KIAA1217: variants seen among roughly 807,000 people sequenced by gnomAD.
KIAA1217 encodes the protein KIAA1217.
A neutral mutation model predicts 163.9 loss-of-function variants in KIAA1217; 88 were observed. That is an observed-to-expected ratio of 0.54 (90% CI 0.45 to 0.64). The LOEUF (loss-of-function observed/expected upper bound fraction) is 0.64. KIAA1217 is among the 30% of genes least tolerant of loss of function. KIAA1217 has a pLI of 0.00. For synonymous variants in KIAA1217, 903 were observed against 923.1 expected (o/e 0.98, Z 0.39); for missense variants, 2,372 against 2,475.0 (o/e 0.96, Z 0.88).
At chr10:24,034,392 T>A (rs1365209293) in intron 2 of KIAA1217, among the ~76,000 whole-genome samples, 1 of 151,440 alleles carries the variant, frequency 6.6e-6, no homozygotes, top group Non-Finnish European at 1.5e-5. Flanking sequence ...AAATCCCAAC[T>A]CTACAAAAAA....
chr10:23,732,593 G>A (rs772324156), intron 1 of KIAA1217, among the ~76,000 whole-genome samples: 30 of 152,076 alleles, frequency 2.0e-4, no homozygotes, highest in South Asian at 6.2e-4. Context: ...CAAAGAATCC[G>A]CTTTTGGTTT....
chr10:24,220,015 G>C, intron 2 of KIAA1217, 106 bp downstream of exon 2: 1 of 1,182,782 alleles, frequency 8.5e-7, no homozygotes, highest in East Asian at 2.5e-5. Flanking sequence ...TTAGTGGACT[G>C]TGCATACTAT....
chr10:24,035,460 T>C (rs576116317), intron 2 of KIAA1217, among the ~76,000 whole-genome samples: 4 of 152,116 alleles, frequency 2.6e-5, no homozygotes, highest in Non-Finnish European at 4.4e-5. Context: ...ATCTTGAAGA[T>C]TGGAAAGCAG....
chr10:24,016,757 A>T (rs1204926059), intron 2 of KIAA1217, among the ~76,000 whole-genome samples: 1 of 152,048 alleles, frequency 6.6e-6, no homozygotes, highest in Non-Finnish European at 1.5e-5. Context: ...TTCCTCATGT[A>T]AAAATAAGCA....
intron 1 of KIAA1217, among the ~76,000 whole-genome samples, chr10:23,930,591 G>C (rs2131310649): frequency 6.6e-6 from 1 of 152,314 alleles, no homozygotes; most frequent in Middle Eastern, 3.4e-3. Context: ...GGGCCTTTCA[G>C]AAATTACAAT....
At chr10:23,734,584 TG>T (rs1196000230) in intron 1 of KIAA1217, among the ~76,000 whole-genome samples, 4 of 152,098 alleles carry the variant, frequency 2.6e-5, no homozygotes, top group African/African-American at 4.8e-5. Context: ...CCACTGCACC[TG>T]GCCAAGTTTT....
intron 1 of KIAA1217, among the ~76,000 whole-genome samples, chr10:23,731,607 G>T (rs1838481958): frequency 6.6e-6 from 1 of 152,126 alleles, no homozygotes; most frequent in Non-Finnish European, 1.5e-5. Context: ...GAGGGAGGGG[G>T]TACAACCAGG....
At chr10:24,141,868 T>G (rs112755151) in intron 2 of KIAA1217, among the ~76,000 whole-genome samples, 6 of 13,852 alleles carry the variant, frequency 4.3e-4, no homozygotes, top group East Asian at 1.2e-3. Flanking sequence ...ATTTCTATTG[T>G]TTTTTTTTAG....
chr10:24,346,507 A>G (rs952124927), intron 2 of KIAA1217, among the ~76,000 whole-genome samples: 11 of 149,836 alleles, frequency 7.3e-5, no homozygotes, highest in Non-Finnish European at 1.3e-4. Context: ...TTGTATGTCT[A>G]TACATTTTGT....
chr10:24,312,400 G>C (rs2042815285), intron 2 of KIAA1217, among the ~76,000 whole-genome samples: 1 of 152,002 alleles, frequency 6.6e-6, no homozygotes, highest in Non-Finnish European at 1.5e-5. Context: ...CGAATCACCT[G>C]AGGTCAGGAG....
chr10:24,018,799 C>T (rs937092913), intron 2 of KIAA1217, among the ~76,000 whole-genome samples: 1 of 152,008 alleles, frequency 6.6e-6, no homozygotes, highest in Non-Finnish European at 1.5e-5. Context: ...ATAGCCATGA[C>T]ATGAAATCAA....
chr10:24,466,660 C>A (rs919975382), intron 5 of KIAA1217: 1 of 985,272 alleles, frequency 1.0e-6, no homozygotes, highest in Non-Finnish European at 1.2e-6. Context: ...GAAGAGGAAG[C>A]TGTCTAAAAT....
intron 1 of KIAA1217, among the ~76,000 whole-genome samples, chr10:23,817,913 G>A (rs926408896): frequency 7.1e-6 from 1 of 141,282 alleles, no homozygotes; most frequent in Non-Finnish European, 1.5e-5. Context: ...AACATAGCTA[G>A]ACTCTGTCTC....
intron 13 of KIAA1217, among the ~76,000 whole-genome samples, chr10:24,526,772 C>T (rs574291010): frequency 4.8e-4 from 73 of 152,220 alleles, no homozygotes; most frequent in Admixed American, 4.1e-3. Context: ...GCCCTCAAGA[C>T]ACTTACCTAC....
intron 1 of KIAA1217, among the ~76,000 whole-genome samples, chr10:23,855,383 C>T (rs751743402): frequency 2.6e-4 from 39 of 152,276 alleles, no homozygotes; most frequent in East Asian, 5.8e-4. Context: ...CTGAGAGATC[C>T]GCTGTTAGTC....
chr10:23,748,647 G>T (rs1839558824), intron 1 of KIAA1217, among the ~76,000 whole-genome samples: 1 of 151,956 alleles, frequency 6.6e-6, no homozygotes, highest in East Asian at 1.9e-4. Context: ...TTGCTTATTT[G>T]CCTGCAACCT....
intron 2 of KIAA1217, among the ~76,000 whole-genome samples, chr10:24,174,876 G>A (rs558506479): frequency 1.3e-5 from 2 of 151,902 alleles, no homozygotes; most frequent in Non-Finnish European, 2.9e-5. Context: ...GTTGTTTTTG[G>A]AGATGGAGTC....
intron 2 of KIAA1217, among the ~76,000 whole-genome samples, chr10:24,162,791 A>G (rs1319623375): frequency 6.6e-6 from 1 of 152,166 alleles, no homozygotes; most frequent in Non-Finnish European, 1.5e-5. Flanking sequence ...TGTGAGGCTA[A>G]AAGATCTGTT....
At chr10:24,353,487 T>G (rs2048709454) in intron 2 of KIAA1217, among the ~76,000 whole-genome samples, 1 of 152,146 alleles carries the variant, frequency 6.6e-6, no homozygotes. Context: ...CTTAAATGCT[T>G]TTTGAAAGCC....
Sources: allele counts gnomAD v4.1 joint callset (sites outside exome capture counted in the v4.1 genomes callset), GRCh38; gene constraint gnomAD v4.1.1; transcripts MANE v1.5; gene names NCBI Gene and HGNC (gene_info 2026-07-23, HGNC 2026-07-21).